The following DGKG variants were observed in gnomAD, a reference collection of about 807,000 sequenced individuals.
The protein encoded by DGKG is DAG kinase gamma.
A neutral mutation model predicts 105.3 loss-of-function variants in DGKG; 78 were observed. The observed-to-expected ratio is 0.74, with a 90% confidence interval of 0.62 to 0.89. DGKG has a LOEUF of 0.89. Ranked by LOEUF, DGKG falls within the 40% of genes least tolerant of loss-of-function variation. The pLI is 0.00. For synonymous variants in DGKG, 346 were observed against 367.1 expected, an observed-to-expected ratio of 0.94 and a Z score of 0.66; for missense variants, 958 against 1,020.1, an observed-to-expected ratio of 0.94 and a Z score of 0.83.
chr3:186,202,279 T>C (rs1341998499), intron 21 of DGKG, among the ~76,000 whole-genome samples: 2 of 152,260 alleles, frequency 1.3e-5, no homozygotes, highest in Non-Finnish European at 2.9e-5. Flanking sequence ...GTAGATTCTA[T>C]GACCTTCTTT....
chr3:186,247,859 T>C (rs1260385059), intron 19 of DGKG, among the ~76,000 whole-genome samples: 6 of 152,226 alleles, frequency 3.9e-5, no homozygotes, highest in African/African-American at 1.2e-4. Flanking sequence ...TGGATTATTA[T>C]AAGTCAGCCC....
At chr3:186,300,185 C>T (rs1312709380) in intron 3 of DGKG, among the ~76,000 whole-genome samples, 3 of 152,150 alleles carry the variant, frequency 2.0e-5, no homozygotes, top group African/African-American at 7.2e-5. Flanking sequence ...ATTCCATCCT[C>T]GCTGGCTCTG....
At position 186,148,961 on chromosome 3, in the gene DGKG, A is replaced by ATT. The variant is rs1715626766; in HGVS notation, c.*1128_*1129insAA. On this transcript the variant is annotated 3_prime_UTR_variant, in exon 25 of 25. Transcript: ENST00000265022. ...AAAGTCCATCAGTAAATAAATATTTATATATATATATATATAAATATATAG... is the reference window on the plus strand; with the variant it reads ...AAAGTCCATCAGTAAATAAATATTTATTTATATATATATATATAAATATATAG... 3 of 656,210 alleles carry ATT rather than the reference A, an allele frequency of 4.6e-6. No individual in the cohort carries two copies. The South Asian group carries it at 2.0e-4, about 45-fold the overall frequency. The allele number at this position is 656,210 out of a possible 1,614,324, so 40.6% of individuals were successfully genotyped here.
intron 21 of DGKG, among the ~76,000 whole-genome samples, chr3:186,191,932 C>T (rs1717927673): frequency 6.6e-6 from 1 of 152,158 alleles, no homozygotes; most frequent in Non-Finnish European, 1.5e-5. Context: ...TGTCTTCTAC[C>T]CTCCTATCCT....
chr3:186,358,116 A>G (rs923498848), intron 1 of DGKG, among the ~76,000 whole-genome samples: 20 of 152,378 alleles, frequency 1.3e-4, no homozygotes, highest in Admixed American at 6.5e-4. Flanking sequence ...CAGGACCTGG[A>G]AAATTCTCTT....
At position 186,206,921 on chromosome 3, in the gene DGKG, G is replaced by T. The variant is rs1718773663; in HGVS notation, c.1917+4874C>A. 2.0e-5 allele frequency among the ~76,000 whole-genome samples: 3 copies of T among 151,952 alleles called. No individual in the cohort carries two copies. The South Asian group carries it at 6.2e-4, about 32-fold the overall frequency. Reference sequence around the variant, plus strand: ...TGTGCCACCACACCCAGCTAATTTTGTGTTTTTAGTAGAGATGAGGTTTTA... The same window carrying T: ...TGTGCCACCACACCCAGCTAATTTTTTGTTTTTAGTAGAGATGAGGTTTTA... On this transcript the variant is annotated intron_variant, in intron 21 of 24. Coordinates refer to ENST00000265022, the MANE Select transcript of DGKG (RefSeq NM_001346.3).
intron 2 of DGKG, among the ~76,000 whole-genome samples, chr3:186,310,282 AAAAAAAAC>A (rs928336621): frequency 1.3e-5 from 2 of 148,836 alleles, no homozygotes; most frequent in Non-Finnish European, 3.0e-5. Context: ...AAAAAAAAAA[AAAAAAAAC>A]CACACACACA....
chr3:186,157,167 G>A (rs1716075537), intron 24 of DGKG, among the ~76,000 whole-genome samples: 1 of 151,864 alleles, frequency 6.6e-6, no homozygotes, highest in African/African-American at 2.4e-5. Context: ...CATTAGTAGG[G>A]GAGAAGCTTT....
chr3:186,322,489 C>T (rs1725126492), intron 1 of DGKG, among the ~76,000 whole-genome samples: 2 of 152,088 alleles, frequency 1.3e-5, no homozygotes. Context: ...TGCTTATTAC[C>T]TGAGTGACAA....
intron 22 of DGKG, among the ~76,000 whole-genome samples, chr3:186,176,113 A>C (rs1033403486): frequency 6.6e-6 from 1 of 152,196 alleles, no homozygotes; most frequent in African/African-American, 2.4e-5. Flanking sequence ...GCCTCTTCTC[A>C]TCTCCTCTCA....
intron 22 of DGKG, among the ~76,000 whole-genome samples, chr3:186,165,706 G>A (rs1463489344): frequency 2.6e-5 from 4 of 152,228 alleles, no homozygotes; most frequent in African/African-American, 4.8e-5. Flanking sequence ...CCCACAGTGG[G>A]ATTTGCTTCT....
In DGKG at chr3:186,226,979, C is replaced by T. The variant is rs1719888714; in HGVS notation, c.1827-15094G>A. Among the ~76,000 whole-genome samples, 1 of 152,112 alleles carries T rather than the reference C, an allele frequency of 6.6e-6. No individual in the cohort carries two copies. The highest frequency in any genetic ancestry group is 2.4e-5 in the African/African-American group (1 of 41,416). ...TCTTAGTAAAATATGAAGTGGTAAG[C>T]ACCTCCTAACCCCTTCAAATTTAAA... is the stretch of plus-strand genomic sequence containing the variant. On this transcript the variant is annotated intron_variant, in intron 20 of 24. Transcript: ENST00000265022. The surrounding 1 kb of genome is among the most constrained non-coding windows in gnomAD (Gnocchi z 4.2).
intron 2 of DGKG, among the ~76,000 whole-genome samples, chr3:186,310,221 C>T (rs1255570230): frequency 7.4e-6 from 1 of 135,208 alleles, no homozygotes; most frequent in Non-Finnish European, 1.5e-5. Context: ...GAGCCGAGAC[C>T]GCACCACTGC....
At chr3:186,304,102 A>C (rs773232504) in intron 3 of DGKG, among the ~76,000 whole-genome samples, 9 of 152,202 alleles carry the variant, frequency 5.9e-5, no homozygotes, top group Admixed American at 1.3e-4. Context: ...ATAGCAGCCA[A>C]GCGACTCCCT....
rs1009730932 is a variant in DGKG, at chr3:186,231,162, T to C, written c.1826+11342A>G. ...TCACACACTTGAGGCCCATTCCCAG[T>C]ACGTTCTCTGTTTCTCTCCAGGAAA... On this transcript the variant is annotated intron_variant, in intron 20 of 24. Transcript: ENST00000265022. This position sits in a 1 kb window ranked among gnomAD's most constrained non-coding sequence, Gnocchi z 4.5. Among the ~76,000 whole-genome samples the C allele has an allele frequency of 1.3e-5, 2 of 152,230 alleles. No individual in the cohort carries two copies. Among genetic ancestry groups the C allele is most frequent in the African/African-American group, 2.4e-5 (1 of 41,452 alleles).
chr3:186,222,713 T>A (rs1347636581), intron 20 of DGKG, among the ~76,000 whole-genome samples: 1 of 151,028 alleles, frequency 6.6e-6, no homozygotes, highest in Non-Finnish European at 1.5e-5. Context: ...GCGCAGTGGG[T>A]CACGCCTGTA....
chr3:186,172,487 T>A (rs1716872610), intron 22 of DGKG, among the ~76,000 whole-genome samples: 2 of 152,332 alleles, frequency 1.3e-5, no homozygotes, highest in Non-Finnish European at 2.9e-5. Context: ...TTAGAGCATC[T>A]GTGTCATGTG....
At chr3:186,305,471 G>A (rs1437238502) in intron 3 of DGKG, among the ~76,000 whole-genome samples, 2 of 152,214 alleles carry the variant, frequency 1.3e-5, no homozygotes, top group African/African-American at 4.8e-5. Context: ...AGGTCAGAGA[G>A]CTGGGGGAGG....
At chr3:186,208,426 C>CA (rs10693104) in intron 21 of DGKG, among the ~76,000 whole-genome samples, 5,120 of 95,256 alleles carry the variant, frequency 0.054, 223 homozygotes, top group African/African-American at 0.18. Context: ...ACCAGATTGG[C>CA]AAAAAAAAAA....
Sources: allele counts gnomAD v4.1 joint callset (sites outside exome capture counted in the v4.1 genomes callset), GRCh38; gene constraint gnomAD v4.1.1; non-coding constraint Gnocchi (gnomAD v3.1); transcripts MANE v1.5; gene names NCBI Gene and HGNC (gene_info 2026-07-23, HGNC 2026-07-21).